Variants in CLIP4 observed in about 807,000 individuals in gnomAD.
CLIP4 encodes the protein CAP-Gly domain-containing linker protein 4.
In CLIP4, 47 loss-of-function variants were observed where a neutral mutation model predicts 73.1. The ratio of observed to expected loss-of-function variants is 0.64; its 90% CI spans 0.51 to 0.82. CLIP4 has a LOEUF of 0.82. Among genes scored for constraint, CLIP4 ranks in the 40% least tolerant of loss-of-function variants. The pLI is 0.00. For missense variants in CLIP4, 874 were observed against 852.9 expected, an observed-to-expected ratio of 1.02 and a Z score of -0.31; for synonymous variants, 306 against 295.4, an observed-to-expected ratio of 1.04 and a Z score of -0.37.
At chr2:29,152,902 T>G (rs1205108670) in intron 9 of CLIP4, 74 bp downstream of exon 9, 2 of 1,517,398 alleles carry the variant, frequency 1.3e-6, no homozygotes, top group East Asian at 2.3e-5. Flanking sequence ...ATATTTAGAT[T>G]GCTTCACTTT....
intron 2 of CLIP4, among the ~76,000 whole-genome samples, chr2:29,123,237 C>T (rs1166742465): frequency 6.6e-6 from 1 of 152,186 alleles, no homozygotes; most frequent in East Asian, 1.9e-4. Flanking sequence ...GATTTCTAGA[C>T]CCTTTTCATC....
chr2:29,126,241 G>A (rs976266234), intron 2 of CLIP4, among the ~76,000 whole-genome samples: 2 of 152,178 alleles, frequency 1.3e-5, no homozygotes, highest in South Asian at 4.1e-4. Flanking sequence ...GCTTGCAACA[G>A]CATAAAAAAT....
intron 15 of CLIP4, chr2:29,174,660 A>G (rs1668219767): frequency 7.9e-7 from 1 of 1,264,064 alleles, no homozygotes; most frequent in South Asian, 2.4e-5. Flanking sequence ...AGTGCACTGC[A>G]TATATTTTAT....
chr2:29,181,554 C>A lies in CLIP4; in HGVS notation c.1797-18C>A, dbSNP rs758335375. 1 of 1,534,064 alleles carries A rather than the reference C, an allele frequency of 6.5e-7. No homozygotes were observed. Among genetic ancestry groups the A allele is most frequent in the South Asian group, 1.3e-5 (1 of 79,410 alleles). On this transcript the variant is annotated intron_variant, in intron 15 of 15. Transcript: ENST00000320081. ...CTTCAGCACTAAATAATTTTTCCCA[C>A]TTTTCCCTTCCGCACAGATCGAAAG...
At chr2:29,161,214 T>C (rs965846363) in intron 12 of CLIP4, among the ~76,000 whole-genome samples, 6 of 152,232 alleles carry the variant, frequency 3.9e-5, no homozygotes, top group African/African-American at 7.2e-5. Flanking sequence ...ACTCAGGTGA[T>C]CTGCCCGCCT....
At chr2:29,140,356 T>G (rs1363501023) in intron 6 of CLIP4, among the ~76,000 whole-genome samples, 2 of 152,110 alleles carry the variant, frequency 1.3e-5, no homozygotes, top group Non-Finnish European at 2.9e-5. Flanking sequence ...TGCGATAGTT[T>G]ACTGAGAATG....
At chr2:29,152,946 T>G in intron 9 of CLIP4, 118 bp downstream of exon 9, 1 of 1,103,072 alleles carries the variant, frequency 9.1e-7, no homozygotes, top group South Asian at 1.5e-5. Context: ...CTGAATTTAA[T>G]AAAACCTGCA....
At chr2:29,101,285 T>TCC (rs1558501558) in intron 1 of CLIP4, among the ~76,000 whole-genome samples, 9 of 143,690 alleles carry the variant, frequency 6.3e-5, no homozygotes, top group African/African-American at 2.5e-4. Context: ...CTTTTTTTTT[T>TCC]TCCCCCCCCC....
chr2:29,118,536 G>A (rs1223543379), intron 1 of CLIP4, among the ~76,000 whole-genome samples: 1 of 102,422 alleles, frequency 9.8e-6, no homozygotes, highest in Non-Finnish European at 2.0e-5. Context: ...TTTTTTTTTT[G>A]AGATGGAGTT....
intron 1 of CLIP4, among the ~76,000 whole-genome samples, chr2:29,102,822 C>T (rs756496941): frequency 7.9e-5 from 12 of 152,258 alleles, no homozygotes; most frequent in Middle Eastern, 3.4e-3. Flanking sequence ...GACAGGGTTT[C>T]GCCATGTTGG....
intron 1 of CLIP4, among the ~76,000 whole-genome samples, chr2:29,120,027 C>G (rs999555450): frequency 1.3e-5 from 2 of 152,118 alleles, no homozygotes; most frequent in Admixed American, 1.3e-4. Context: ...AATAAATACT[C>G]ATTACTGTTT....
At position 29,168,511 on chromosome 2, in the gene CLIP4, CCTT is replaced by C. The variant is rs1667775308; in HGVS notation, c.1723+972_1723+974del. ...AATAGCAAAACAGGTTATGGTTTGC[CCTT>C]TTTTTTTTTTTTTTTTTTTTTTTTT... On this transcript the variant is annotated intron_variant, in intron 14 of 15. Transcript: ENST00000320081. Among the ~76,000 whole-genome samples the C allele has an allele frequency of 5.5e-5, 7 of 128,080 alleles. No individual in the cohort carries two copies. The South Asian group carries it at 1.2e-3, about 22-fold the overall frequency. 84.0% of individuals were successfully genotyped at this position (128,080 alleles called of 152,430 possible). A position where few individuals can be genotyped will look rare whatever the true frequency, so the allele number is the denominator to read the frequency against.
chr2:29,166,353 A>G (rs1375174046), intron 13 of CLIP4, among the ~76,000 whole-genome samples: 2 of 151,784 alleles, frequency 1.3e-5, no homozygotes, highest in African/African-American at 2.4e-5. Context: ...TGTGCTTCCT[A>G]TCCCAGAATC....
chr2:29,153,200 A>T (rs1666696849), intron 9 of CLIP4, among the ~76,000 whole-genome samples: 1 of 152,124 alleles, frequency 6.6e-6, no homozygotes, highest in Admixed American at 6.5e-5. Flanking sequence ...TCGGGAAACT[A>T]GCAGTTGCGG....
chr2:29,142,753 A>G (rs944492017), intron 6 of CLIP4, among the ~76,000 whole-genome samples: 8 of 152,230 alleles, frequency 5.3e-5, no homozygotes, highest in Non-Finnish European at 1.0e-4. Flanking sequence ...GAAGAAAGGG[A>G]AAAAAGTTTC....
chr2:29,132,570 C>G (rs1665053220), intron 4 of CLIP4: 1 of 254,292 alleles, frequency 3.9e-6, no homozygotes, highest in African/African-American at 2.2e-5. Flanking sequence ...TCTTTGCATA[C>G]TGATCCCTAA....
intron 8 of CLIP4, among the ~76,000 whole-genome samples, chr2:29,147,213 AAC>A (rs1666231932): frequency 6.6e-6 from 1 of 151,968 alleles, no homozygotes; most frequent in African/African-American, 2.4e-5. Flanking sequence ...GGTGAAATAG[AAC>A]ACTTTTTAAA....
intron 9 of CLIP4, among the ~76,000 whole-genome samples, chr2:29,154,422 A>C (rs1222817804): frequency 6.6e-6 from 1 of 152,138 alleles, no homozygotes; most frequent in African/African-American, 2.4e-5. Context: ...CAGGCACCCG[A>C]AACCCCAAGG....
In CLIP4 at chr2:29,131,325, T is replaced by C. The variant is rs1664953723; in HGVS notation, c.201T>C (p.Val67=). The C allele has an allele frequency of 1.2e-6, 2 of 1,611,066 alleles. No individual in the cohort carries two copies. The highest frequency in any genetic ancestry group is 1.7e-6 in the Non-Finnish European group (2 of 1,178,828). The change falls in exon 3 of 16, where the codon GTT becomes GTC. Residue 67 remains valine (V), a synonymous_variant. Transcript: ENST00000320081. The part of the protein sequence containing the change: ...QEILFDPKTS[V]SELFAILRQW... ...TTCTTTTTGATCCCAAAACTTCAGT[T>C]TCAGAATTATTTGCCATTTTGAGAC...
Sources: allele counts gnomAD v4.1 joint callset (sites outside exome capture counted in the v4.1 genomes callset), GRCh38; gene constraint gnomAD v4.1.1; transcripts MANE v1.5; gene names NCBI Gene and HGNC (gene_info 2026-07-23, HGNC 2026-07-21).